Variants in JAK1 observed in about 807,000 individuals in gnomAD.
JAK1 encodes the protein Janus kinase 1.
In JAK1, 16 loss-of-function variants were observed where a neutral mutation model predicts 136.6. The observed-to-expected ratio is 0.12, with a 90% CI of 0.08 to 0.18. JAK1 has a LOEUF of 0.18. Among genes scored for constraint, JAK1 ranks in the 10% least tolerant of loss-of-function variants. The pLI is 1.00. For missense variants in JAK1, 859 were observed against 1,450.1 expected, an observed-to-expected ratio of 0.59 and a Z score of 6.62; for synonymous variants, 492 against 519.5, an observed-to-expected ratio of 0.95 and a Z score of 0.72.
intron 2 of JAK1, chr1:64,985,725 T>G (rs1646592470): frequency 2.9e-6 from 2 of 690,064 alleles, no homozygotes; most frequent in Non-Finnish European, 5.3e-6. Context: ...AATAACCAAG[T>G]AGGCCAGGAT....
intron 1 of JAK1, among the ~76,000 whole-genome samples, chr1:64,895,384 T>G (rs912956816): frequency 2.0e-5 from 3 of 152,160 alleles, no homozygotes; most frequent in Admixed American, 6.5e-5. Flanking sequence ...CAGTAAAGAT[T>G]AACAGACTAC....
chr1:64,995,260 C>T (rs1273336795), intron 2 of JAK1, among the ~76,000 whole-genome samples: 1 of 152,162 alleles, frequency 6.6e-6, no homozygotes, highest in Non-Finnish European at 1.5e-5. Flanking sequence ...AGGCTCAAAA[C>T]TCCCATTAGC....
In JAK1 at chr1:64,883,371, T is replaced by C. The variant is rs1387244474; in HGVS notation, c.111A>G (p.Glu37=). 6 of 1,614,076 alleles carry C rather than the reference T, an allele frequency of 3.7e-6. No individual in the cohort carries two copies. The highest frequency in any genetic ancestry group is 1.3e-5 in the African/African-American group (1 of 74,942). ...CCCTGTCCGACAGATAGAAGATCAC[T>C]TCCACCCCTGGCTCAGGGGCCTCCA... ...VNLEAPEPGV[E]VIFYLSDREP... Residue 37 remains glutamate, a synonymous_variant, in exon 3 of 25, where the codon GAA becomes GAG. Transcript: ENST00000342505.
At chr1:65,017,943 GGGATTACA>G (rs1297041540) in intron 2 of JAK1, among the ~76,000 whole-genome samples, 4 of 151,920 alleles carry the variant, frequency 2.6e-5, no homozygotes, top group Non-Finnish European at 5.9e-5. Flanking sequence ...CCAAGTAGCT[GGGATTACA>G]GGTGTCTGCC....
intron 1 of JAK1, among the ~76,000 whole-genome samples, chr1:64,888,619 CAA>C (rs541302695): frequency 3.3e-5 from 5 of 152,190 alleles, no homozygotes; most frequent in African/African-American, 1.2e-4. Flanking sequence ...TAGAATTCTA[CAA>C]AAACCAGTAA....
chr1:64,871,537 G>A (rs530332834), intron 5 of JAK1, among the ~76,000 whole-genome samples: 64 of 152,086 alleles, frequency 4.2e-4, no homozygotes, highest in Non-Finnish European at 8.1e-4. Flanking sequence ...AGGCATCTCC[G>A]AAAAAGGACT....
At chr1:64,867,267 T>C in intron 6 of JAK1, 59 bp from the exon 7 acceptor site, 1 of 1,275,632 alleles carries the variant, frequency 7.8e-7, no homozygotes, top group Non-Finnish European at 1.1e-6. Flanking sequence ...GAAAATAGTT[T>C]AGAAACAAAT....
intron 4 of JAK1, among the ~76,000 whole-genome samples, chr1:64,875,307 G>A (rs1015894790): frequency 6.6e-6 from 1 of 152,204 alleles, no homozygotes; most frequent in Non-Finnish European, 1.5e-5. Flanking sequence ...GCAGAGCAAA[G>A]AACGAAAGCC....
intron 2 of JAK1, chr1:64,991,848 T>C (rs987238170): frequency 2.6e-5 from 4 of 152,188 alleles, no homozygotes; most frequent in African/African-American, 9.7e-5. Context: ...TCAAAAAGTA[T>C]AAGATACTTA....
intron 2 of JAK1, among the ~76,000 whole-genome samples, chr1:64,986,264 C>T (rs1268083252): frequency 2.0e-5 from 3 of 152,062 alleles, no homozygotes; most frequent in African/African-American, 7.2e-5. Context: ...CACAACCACA[C>T]CCTGTTAATT....
intron 1 of JAK1, among the ~76,000 whole-genome samples, chr1:64,940,272 G>A (rs1019385252): frequency 3.3e-5 from 5 of 151,336 alleles, no homozygotes; most frequent in Non-Finnish European, 2.9e-5. Flanking sequence ...AATCCCTATT[G>A]TAAGAGTCAT....
At chr1:64,840,814 G>C (rs914771850) in intron 19 of JAK1, among the ~76,000 whole-genome samples, 15 of 152,008 alleles carry the variant, frequency 9.9e-5, no homozygotes, top group Admixed American at 3.9e-4. Context: ...CTGGGACACA[G>C]AGCGAGACCC....
chr1:64,912,331 C>A (rs1444920475), intron 1 of JAK1, among the ~76,000 whole-genome samples: 1 of 152,176 alleles, frequency 6.6e-6, no homozygotes, highest in Admixed American at 6.5e-5. Context: ...TCATTCTACT[C>A]TCTCCTTTGC....
At chr1:64,994,677 GC>G (rs1170346881) in intron 2 of JAK1, among the ~76,000 whole-genome samples, 1 of 152,128 alleles carries the variant, frequency 6.6e-6, no homozygotes, top group Admixed American at 6.6e-5. Context: ...TTCAACACAT[GC>G]TTTTTTGGGG....
intron 1 of JAK1, among the ~76,000 whole-genome samples, chr1:64,965,899 T>C (rs957438496): frequency 3.3e-5 from 5 of 152,094 alleles, no homozygotes; most frequent in African/African-American, 4.8e-5. Flanking sequence ...GAAGAAAACC[T>C]TTCTGCGCTG....
At chr1:64,839,145 C>CA (rs56058898) in intron 20 of JAK1, among the ~76,000 whole-genome samples, 1,849 of 57,750 alleles carry the variant, frequency 0.032, 42 homozygotes, top group East Asian at 0.041. Context: ...GACTCCGTCT[C>CA]AAAAAAAAAA....
intron 5 of JAK1, among the ~76,000 whole-genome samples, 188 bp from the exon 6 acceptor site, chr1:64,869,662 C>T (rs577895682): frequency 6.6e-6 from 1 of 152,170 alleles, no homozygotes; most frequent in Non-Finnish European, 1.5e-5. Context: ...TGTTCTCCCC[C>T]GCTCATTCAT....
intron 2 of JAK1, among the ~76,000 whole-genome samples, chr1:64,981,737 C>T (rs187026739): frequency 3.9e-5 from 6 of 152,266 alleles, no homozygotes; most frequent in Admixed American, 3.9e-4. Flanking sequence ...TCAAAATCAC[C>T]TTTTGAGGTG....
chr1:64,974,900 G>GTTTTGTT (rs374612966), intron 2 of JAK1, among the ~76,000 whole-genome samples: 2 of 151,920 alleles, frequency 1.3e-5, no homozygotes, highest in South Asian at 2.1e-4. Flanking sequence ...TGTTTGTTTT[G>GTTTTGTT]TTTTGTTTTT....
Sources: gnomAD v4.1 joint callset for allele counts (sites outside exome capture counted in the v4.1 genomes callset) on GRCh38, gnomAD v4.1.1 for gene constraint, MANE v1.5 for transcripts, NCBI Gene and HGNC (gene_info 2026-07-23, HGNC 2026-07-21) for gene names.